Variants in DSCAM observed in about 807,000 individuals in gnomAD.
DSCAM encodes the protein cell adhesion molecule DSCAM.
A neutral mutation model predicts 217.7 loss-of-function variants in DSCAM; 47 were observed. That is an observed-to-expected ratio of 0.22 (90% CI 0.17 to 0.28). The LOEUF is 0.28. Ranked by LOEUF, DSCAM falls within the 10% of genes least tolerant of loss-of-function variation. The probability of loss-of-function intolerance (pLI) is 1.00; values close to 1 mark genes in which losing one functional copy is unlikely to be tolerated. For missense variants in DSCAM, 2,080 were observed against 2,618.3 expected, an observed-to-expected ratio of 0.79 and a Z score of 4.49; for synonymous variants, 1,056 against 1,015.3, an observed-to-expected ratio of 1.04 and a Z score of -0.76.
intron 3 of DSCAM, among the ~76,000 whole-genome samples, chr21:40,409,652 G>A (rs578041546): frequency 6.6e-6 from 1 of 152,336 alleles, no homozygotes; most frequent in East Asian, 1.9e-4. Flanking sequence ...CTCATACAGA[G>A]GTGGGAATAG....
chr21:40,285,212 G>A (rs999186153), intron 10 of DSCAM, among the ~76,000 whole-genome samples: 2 of 152,204 alleles, frequency 1.3e-5, no homozygotes, highest in Admixed American at 6.5e-5. Context: ...GCTTTGCCTT[G>A]CTCCTGGGAG....
chr21:40,834,458 A>G (rs1186253021), intron 1 of DSCAM, among the ~76,000 whole-genome samples: 1 of 139,924 alleles, frequency 7.1e-6, no homozygotes, highest in African/African-American at 2.5e-5. Context: ...AATAATAATA[A>G]TAATAATAAT....
At chr21:40,179,491 T>G (rs2090775338) in intron 14 of DSCAM, among the ~76,000 whole-genome samples, 2 of 152,260 alleles carry the variant, frequency 1.3e-5, no homozygotes, top group Admixed American at 1.3e-4. Flanking sequence ...GACAGTACAA[T>G]GAACTATGGT....
chr21:40,512,379 C>T (rs140965285), intron 3 of DSCAM, among the ~76,000 whole-genome samples: 14 of 152,290 alleles, frequency 9.2e-5, no homozygotes, highest in African/African-American at 3.4e-4. Context: ...CCTACTAAAT[C>T]TTATCTCTAT....
At chr21:40,295,488 G>A (rs1232751758) in intron 10 of DSCAM, among the ~76,000 whole-genome samples, 1 of 152,104 alleles carries the variant, frequency 6.6e-6, no homozygotes, top group African/African-American at 2.4e-5. Flanking sequence ...ACATGATTAG[G>A]GGTGCAAGCA....
intron 1 of DSCAM, among the ~76,000 whole-genome samples, chr21:40,736,592 C>T (rs2091065297): frequency 6.6e-6 from 1 of 152,208 alleles, no homozygotes; most frequent in East Asian, 1.9e-4. Context: ...TGGTGTGCAG[C>T]CCCCCATCCT....
At chr21:40,772,484 T>G (rs901383024) in intron 1 of DSCAM, among the ~76,000 whole-genome samples, 3 of 152,220 alleles carry the variant, frequency 2.0e-5, no homozygotes, top group Non-Finnish European at 4.4e-5. Context: ...TAATGGTTAT[T>G]GCCTATCTCT....
At chr21:40,196,616 C>T (rs2091012740) in intron 11 of DSCAM, among the ~76,000 whole-genome samples, 1 of 121,102 alleles carries the variant, frequency 8.3e-6, no homozygotes, top group Non-Finnish European at 1.5e-5. Flanking sequence ...TCCTTCTGTT[C>T]CTCCCTCCCA....
chr21:40,102,753 C>T (rs2146613759), intron 20 of DSCAM, among the ~76,000 whole-genome samples: 1 of 152,268 alleles, frequency 6.6e-6, no homozygotes, highest in East Asian at 1.9e-4. Context: ...TTTCCGAACC[C>T]CTCACATTAC....
intron 1 of DSCAM, among the ~76,000 whole-genome samples, chr21:40,713,587 G>T (rs1426473523): frequency 1.3e-5 from 2 of 152,150 alleles, no homozygotes; most frequent in Non-Finnish European, 2.9e-5. Flanking sequence ...TGGGGATGAG[G>T]AAGGGCAAGT....
intron 3 of DSCAM, among the ~76,000 whole-genome samples, chr21:40,439,884 T>C (rs1294239576): frequency 6.6e-6 from 1 of 152,040 alleles, no homozygotes; most frequent in African/African-American, 2.4e-5. Flanking sequence ...TTAAATTACC[T>C]CCCACCAGGT....
chr21:40,717,846 A>C (rs1226539934), intron 1 of DSCAM, among the ~76,000 whole-genome samples: 1 of 152,246 alleles, frequency 6.6e-6, no homozygotes, highest in African/African-American at 2.4e-5. Flanking sequence ...GAAGTCAATG[A>C]AAGTTTTGAC....
intron 32 of DSCAM, among the ~76,000 whole-genome samples, chr21:40,032,458 C>G (rs906809562): frequency 1.3e-5 from 2 of 152,052 alleles, no homozygotes; most frequent in African/African-American, 4.8e-5. Context: ...TGCATGAGGG[C>G]CCCTGAGTAC....
rs62225163 is a variant in DSCAM, at chr21:40,791,354, T to A, written c.43+55265A>T. On this transcript the variant is annotated intron_variant, in intron 1 of 32. Transcript: ENST00000400454. ...TTAGTATTGCTATTTATATTGTAAA[T>A]AGAATAATGAAATTTTAAGGCCAGG... 6.7e-3 allele frequency among the ~76,000 whole-genome samples: 1,014 copies of A among 152,046 alleles called. 5 individuals carry two copies. The highest frequency in any genetic ancestry group is 9.1e-3 in the Non-Finnish European group (620 of 67,990).
rs765768201 is a variant in DSCAM, at chr21:40,353,546, G to A, written c.853C>T (p.Pro285Ser). 11 of 1,612,034 alleles carry A rather than the reference G, an allele frequency of 6.8e-6. No homozygotes were observed. The highest frequency in any genetic ancestry group is 4.0e-5 in the African/African-American group (3 of 74,798). Residue 285 changes from proline to serine, a missense_variant, in exon 5 of 33, where the codon CCC (proline) becomes TCC (serine). Physicochemically the swap from Pro to Ser is moderately conservative, Grantham distance 74. Transcript: ENST00000400454. ...VTGLLIENIR[P>S]SDSGSYVCEV... ...CAAACATAGCTGCCTGAGTCCGAGG[G>A]GCGAATGTTCTCAATGAGCAGCCCC...
intron 20 of DSCAM, 121 bp from the exon 21 acceptor site, chr21:40,093,995 C>G (rs1226501136): frequency 9.6e-7 from 1 of 1,043,462 alleles, no homozygotes; most frequent in Non-Finnish European, 1.4e-6. Flanking sequence ...TCACTCTCCT[C>G]TAAAAGGCTG....
Position 40,266,635 on chromosome 21 carries a change from TTATATATATA to T in DSCAM, c.2356+9452_2356+9461del, listed in dbSNP as rs71186923. On this transcript the variant is annotated intron_variant, in intron 11 of 32. Coordinates refer to ENST00000400454, the MANE Select transcript of DSCAM (RefSeq NM_001389.5). ...TAACTGATGAATGGACAAAGATGTT[TTATATATATA>T]TATATATATATATATATATATATAT... Among the ~76,000 whole-genome samples, 68 of 62,642 alleles carry T rather than the reference TTATATATATA, an allele frequency of 1.1e-3. 1 individual carries two copies. Among genetic ancestry groups the T allele is most frequent in the East Asian group, 4.3e-3 (9 of 2,074 alleles). 41.1% of individuals were successfully genotyped at this position (62,642 alleles called of 152,430 possible).
chr21:40,230,637 T>A (rs1054925816), intron 11 of DSCAM, among the ~76,000 whole-genome samples: 1 of 152,238 alleles, frequency 6.6e-6, no homozygotes, highest in African/African-American at 2.4e-5. Context: ...CACATTTTAA[T>A]AAGTATTTTT....
chr21:40,353,629 C>T lies in DSCAM; in HGVS notation c.770G>A (p.Arg257His), dbSNP rs373921750. 165 of 1,611,766 alleles carry T rather than the reference C, an allele frequency of 1.0e-4. No individual in the cohort carries two copies. Among genetic ancestry groups the T allele is most frequent in the Non-Finnish European group, 1.2e-4 (143 of 1,179,524 alleles). The stretch of plus-strand genomic sequence containing the variant: ...CAGGGGCATGTTGTCCTTCAGCCAG[C>T]GGTAATCTGGCTCAGGGTGCCCGAG... ...KALGHPEPDY[R>H]WLKDNMPLEL... The change falls in exon 5 of 33, where the codon CGC becomes CAC. Residue 257 changes from arginine to histidine, a missense_variant. Arg to His is a conservative substitution (Grantham distance 29). Coordinates refer to ENST00000400454, the MANE Select transcript of DSCAM (RefSeq NM_001389.5).
Sources: allele counts gnomAD v4.1 joint callset (sites outside exome capture counted in the v4.1 genomes callset), GRCh38; gene constraint gnomAD v4.1.1; transcripts MANE v1.5; gene names NCBI Gene and HGNC (gene_info 2026-07-23, HGNC 2026-07-21).